The following ARHGAP8 variants were observed in gnomAD, a reference collection of about 807,000 sequenced individuals.
The protein encoded by ARHGAP8 is rho GTPase-activating protein 8.
Under a neutral mutation model 46.1 loss-of-function variants are expected in ARHGAP8, and 62 were observed. The ratio of observed to expected loss-of-function variants is 1.34; its 90% CI spans 1.10 to 1.66. ARHGAP8 has a LOEUF of 1.66. ARHGAP8 is among the 40% of genes most tolerant of loss of function. ARHGAP8 has a pLI of 0.00. For missense variants in ARHGAP8, 923 were observed against 568.4 expected (o/e 1.62, Z -6.34); for synonymous variants, 375 against 243.1 (o/e 1.54, Z -5.05).
intron 5 of ARHGAP8, among the ~76,000 whole-genome samples, chr22:44,815,425 A>G (rs1353076212): frequency 1.3e-5 from 2 of 151,118 alleles, no homozygotes; most frequent in Non-Finnish European, 2.9e-5. Flanking sequence ...CCTCAATCAC[A>G]TTGTTGGCAC....
At position 44,862,416 on chromosome 22, in the gene ARHGAP8, G is replaced by T. The variant is rs144526462; in HGVS notation, c.1123G>T (p.Glu375Ter). 25 of 1,613,962 alleles carry T rather than the reference G, an allele frequency of 1.5e-5. No individual in the cohort carries two copies. The highest frequency in any genetic ancestry group is 1.6e-4 in the Middle Eastern group (1 of 6,082). ...PLNMFTELLI[E>*]YYEKIFSTPE... ...GAACATGTTCACTGAACTGCTGATCGAGTACTATGAAAAGATCTTCAGCAC... is the reference window on the plus strand; with the variant it reads ...GAACATGTTCACTGAACTGCTGATCTAGTACTATGAAAAGATCTTCAGCAC... Residue 375 changes from glutamate to a stop codon, truncating the protein, a stop_gained, in exon 12 of 12, where the codon GAG becomes TAG. Coordinates refer to ENST00000356099, the MANE Select transcript of ARHGAP8 (RefSeq NM_181335.3). LOFTEE classifies it low-confidence loss of function (END_TRUNC).
chr22:44,787,931 TTTTTTTTTTCCC>T (rs1445894971), intron 2 of ARHGAP8, among the ~76,000 whole-genome samples: 1 of 136,614 alleles, frequency 7.3e-6, no homozygotes, highest in East Asian at 2.2e-4. Flanking sequence ...TTTTTTTTTT[TTTTTTTTTTCCC>T]CCCAAATGTC....
chr22:44,854,453 G>C (rs1019995009), intron 10 of ARHGAP8, among the ~76,000 whole-genome samples: 68 of 151,706 alleles, frequency 4.5e-4, no homozygotes, highest in African/African-American at 1.5e-3. Flanking sequence ...GGCTAGTCTT[G>C]AACTCCTGAC....
intron 10 of ARHGAP8, among the ~76,000 whole-genome samples, chr22:44,856,096 C>G (rs1173937653): frequency 6.6e-6 from 1 of 151,994 alleles, no homozygotes; most frequent in Admixed American, 6.6e-5. Flanking sequence ...AGAGATGGTG[C>G]TAACCATTTA....
chr22:44,837,092 C>T (rs1602245527), intron 7 of ARHGAP8, among the ~76,000 whole-genome samples: 1 of 152,166 alleles, frequency 6.6e-6, no homozygotes, highest in Non-Finnish European at 1.5e-5. Context: ...ACCATGTTGG[C>T]TAGGCTGGTC....
At chr22:44,836,565 T>C (rs1210515465) in intron 7 of ARHGAP8, among the ~76,000 whole-genome samples, 1 of 150,022 alleles carries the variant, frequency 6.7e-6, no homozygotes, top group Admixed American at 6.7e-5. Context: ...CAGTACACAG[T>C]AGGTCCTCAG....
chr22:44,768,887 T>A (rs1391981184), intron 1 of ARHGAP8, among the ~76,000 whole-genome samples: 2 of 148,840 alleles, frequency 1.3e-5, no homozygotes, highest in East Asian at 2.0e-4. Flanking sequence ...CAGGCTGGAG[T>A]GCAATGGCGC....
intron 2 of ARHGAP8, among the ~76,000 whole-genome samples, chr22:44,790,860 G>A (rs1927629413): frequency 6.6e-6 from 1 of 151,572 alleles, no homozygotes; most frequent in Non-Finnish European, 1.5e-5. Flanking sequence ...AGCCTCCCGA[G>A]TAGCTGGGAC....
intron 1 of ARHGAP8, among the ~76,000 whole-genome samples, chr22:44,754,973 G>T (rs932638236): frequency 6.6e-6 from 1 of 151,968 alleles, no homozygotes; most frequent in African/African-American, 2.4e-5. Flanking sequence ...TTTTAGGCAG[G>T]TCACTCTCCT....
chr22:44,777,412 T>C (rs1200650665), intron 1 of ARHGAP8, among the ~76,000 whole-genome samples: 1 of 151,940 alleles, frequency 6.6e-6, no homozygotes, highest in Admixed American at 6.6e-5. Flanking sequence ...TAAAATCTCA[T>C]GATCAGAATG....
intron 1 of ARHGAP8, among the ~76,000 whole-genome samples, chr22:44,755,076 C>T (rs1453445977): frequency 2.0e-5 from 3 of 152,226 alleles, no homozygotes; most frequent in African/African-American, 4.8e-5. Context: ...GAAACCCTCA[C>T]TGCACACTTG....
chr22:44,787,943 C>CTTT (rs1312732228), intron 2 of ARHGAP8, among the ~76,000 whole-genome samples: 1 of 126,862 alleles, frequency 7.9e-6, no homozygotes, highest in Non-Finnish European at 1.6e-5. Flanking sequence ...TTTTTTTTCC[C>CTTT]CCCAAATGTC....
intron 1 of ARHGAP8, chr22:44,765,472 A>T (rs1925483216): frequency 6.7e-6 from 1 of 149,760 alleles, no homozygotes; most frequent in African/African-American, 2.5e-5. Flanking sequence ...TGTAATCGGG[A>T]CCCTAGGGGC....
chr22:44,845,243 T>C (rs1222757113), intron 7 of ARHGAP8, 26 bp from the exon 8 acceptor site: 2 of 1,613,868 alleles, frequency 1.2e-6, no homozygotes, highest in Non-Finnish European at 1.7e-6. Flanking sequence ...AGGTAAAAAC[T>C]GCGACTTTCT....
At chr22:44,848,505 T>G (rs1052633925) in intron 9 of ARHGAP8, among the ~76,000 whole-genome samples, 2 of 152,236 alleles carry the variant, frequency 1.3e-5, no homozygotes, top group Admixed American at 6.5e-5. Context: ...CTGACAAGAC[T>G]TGCCCTCGCT....
chr22:44,774,414 TCAA>T (rs761070971), intron 1 of ARHGAP8, among the ~76,000 whole-genome samples: 26 of 152,034 alleles, frequency 1.7e-4, no homozygotes, highest in Non-Finnish European at 3.2e-4. Flanking sequence ...AGTTATCCAA[TCAA>T]CAACATCAAC....
chr22:44,834,350 T>C (rs1931147073), intron 7 of ARHGAP8, among the ~76,000 whole-genome samples: 1 of 152,116 alleles, frequency 6.6e-6, no homozygotes, highest in East Asian at 1.9e-4. Flanking sequence ...AATCTTAAAG[T>C]ATTTTCTAAT....
intron 7 of ARHGAP8, 34 bp downstream of exon 7, chr22:44,825,627 C>G: frequency 6.3e-7 from 1 of 1,587,820 alleles, no homozygotes; most frequent in Non-Finnish European, 8.6e-7. Context: ...GCTCCTATGC[C>G]CTGGAGCCCT....
chr22:44,829,428 C>G (rs886117945), intron 7 of ARHGAP8, among the ~76,000 whole-genome samples: 1 of 152,188 alleles, frequency 6.6e-6, no homozygotes, highest in Non-Finnish European at 1.5e-5. Context: ...ACCAGAGATA[C>G]CATTAGCCCT....
Sources: allele counts gnomAD v4.1 joint callset (sites outside exome capture counted in the v4.1 genomes callset), GRCh38; gene constraint gnomAD v4.1.1; transcripts MANE v1.5; gene names NCBI Gene and HGNC (gene_info 2026-07-23, HGNC 2026-07-21).